Variants in ST18 observed in about 807,000 individuals in gnomAD.
ST18 encodes the protein suppression of tumorigenicity 18 protein.
In ST18, 50 loss-of-function variants were observed where a neutral mutation model predicts 110.0. That is an observed-to-expected ratio of 0.45 (90% CI 0.36 to 0.58). The LOEUF is 0.58. Among genes scored for constraint, ST18 ranks in the 20% least tolerant of loss-of-function variants. The probability of loss-of-function intolerance (pLI) is 0.00; values close to 1 mark genes in which losing one functional copy is unlikely to be tolerated. For missense variants in ST18, 1,306 were observed against 1,280.1 expected (o/e 1.02, Z -0.31); for synonymous variants, 461 against 452.4 (o/e 1.02, Z -0.24).
chr8:52,268,508 TATTTATC>T (rs1228104158), intron 2 of ST18, among the ~76,000 whole-genome samples: 3 of 146,120 alleles, frequency 2.1e-5, no homozygotes, highest in East Asian at 1.9e-4. Flanking sequence ...TCTATCTATC[TATTTATC>T]TATCTATCTT....
At chr8:52,118,224 G>C in intron 24 of ST18, 114 bp downstream of exon 24, 1 of 640,810 alleles carries the variant, frequency 1.6e-6, no homozygotes, top group Non-Finnish European at 2.6e-6. Context: ...GAAACACTCA[G>C]CATATTGACT....
rs189418674 is a variant in ST18 at position 52,184,389 on chromosome 8, C to A, written c.87-4077G>T. Reference sequence around the variant, plus strand: ...TTTCAAGTTTTGACTGTATTAAAATCTATTTAAAAGATCTGTATTTTTTAC... The same window carrying A: ...TTTCAAGTTTTGACTGTATTAAAATATATTTAAAAGATCTGTATTTTTTAC... On this transcript the variant is annotated intron_variant, in intron 8 of 25. Transcript: ENST00000689386. Among the ~76,000 whole-genome samples, 199 of 152,182 alleles carry A rather than the reference C, an allele frequency of 1.3e-3. 3 individuals are homozygous for A. In the South Asian group the frequency reaches 0.022, roughly 17 times the overall value.
chr8:52,371,828 T>C (rs1298936803), intron 2 of ST18, among the ~76,000 whole-genome samples: 1 of 152,174 alleles, frequency 6.6e-6, no homozygotes, highest in African/African-American at 2.4e-5. Flanking sequence ...GTGGGGATGC[T>C]GGAGTAAGCA....
At chr8:52,119,747 G>GA (rs575960019) in intron 23 of ST18, among the ~76,000 whole-genome samples, 1 of 152,042 alleles carries the variant, frequency 6.6e-6, no homozygotes, top group African/African-American at 2.4e-5. Context: ...AGTGCGAAGA[G>GA]AAAAAAAGTA....
chr8:52,144,530 T>A (rs995704791), intron 16 of ST18, among the ~76,000 whole-genome samples: 3 of 152,104 alleles, frequency 2.0e-5, no homozygotes, highest in Non-Finnish European at 4.4e-5. Context: ...TTCAATCAAT[T>A]ATTTCACACA....
chr8:52,159,136 T>C, intron 14 of ST18, 27 bp from the exon 15 acceptor site: 1 of 1,602,206 alleles, frequency 6.2e-7, no homozygotes, highest in Non-Finnish European at 8.5e-7. Context: ...TGATTAGCAA[T>C]TGCATGTACA....
At chr8:52,133,382 T>C in intron 19 of ST18, 81 bp from the exon 20 acceptor site, 1 of 1,506,136 alleles carries the variant, frequency 6.6e-7, no homozygotes, top group Non-Finnish European at 9.2e-7. Context: ...TTTAGGTTCT[T>C]CAGTAATCAC....
At chr8:52,157,221 C>T (rs1323761311) in intron 15 of ST18, among the ~76,000 whole-genome samples, 1 of 152,088 alleles carries the variant, frequency 6.6e-6, no homozygotes, top group African/African-American at 2.4e-5. Context: ...TTTTAGTCAT[C>T]TTTGTTTGAT....
At chr8:52,379,178 A>T (rs1590442491) in intron 2 of ST18, among the ~76,000 whole-genome samples, 4 of 151,276 alleles carry the variant, frequency 2.6e-5, no homozygotes, top group Admixed American at 2.0e-4. Flanking sequence ...AGCCACTGCA[A>T]CCTCTGCCTC....
chr8:52,135,587 A>G lies in ST18; in HGVS notation c.2300+1003T>C, dbSNP rs904026415. On this transcript the variant is annotated intron_variant, in intron 19 of 25. Transcript: ENST00000689386. ...CCATCTCAAAAAAAAAAAAAAAAAA[A>G]AAAAGAAAGAAAGAAAAAAGGAAAA... Among the ~76,000 whole-genome samples, 70 of 150,936 alleles carry G rather than the reference A, an allele frequency of 4.6e-4. 3 individuals are homozygous for G. The highest frequency in any genetic ancestry group is 1.4e-3 in the African/African-American group (57 of 41,286).
chr8:52,351,766 G>A (rs566454247), intron 2 of ST18, among the ~76,000 whole-genome samples: 2 of 152,250 alleles, frequency 1.3e-5, no homozygotes, highest in African/African-American at 2.4e-5. Flanking sequence ...AAACTCCATC[G>A]ATCTAGCTTT....
intron 23 of ST18, 52 bp from the exon 24 acceptor site, chr8:52,118,493 G>A (rs748090949): frequency 9.8e-7 from 1 of 1,022,668 alleles, no homozygotes; most frequent in Non-Finnish European, 1.4e-6. Context: ...TAACAAATGA[G>A]TCATTATATG....
At chr8:52,280,850 T>C (rs756557332) in intron 2 of ST18, among the ~76,000 whole-genome samples, 7 of 152,088 alleles carry the variant, frequency 4.6e-5, no homozygotes, top group Non-Finnish European at 7.4e-5. Flanking sequence ...AGGCTGCAGA[T>C]GATTTAAATA....
intron 2 of ST18, among the ~76,000 whole-genome samples, chr8:52,386,638 T>C (rs1439807260): frequency 6.6e-6 from 1 of 152,180 alleles, no homozygotes; most frequent in East Asian, 1.9e-4. Flanking sequence ...GAATAGATAT[T>C]TTTGTTCATT....
At position 52,207,381 on chromosome 8, in the gene ST18, A is replaced by T. The variant is rs1171898711; in HGVS notation, c.86+4698T>A. Among the ~76,000 whole-genome samples, 3 of 152,200 alleles carry T rather than the reference A, an allele frequency of 2.0e-5. No individual in the cohort carries two copies. The East Asian group carries it at 5.8e-4, about 29-fold the overall frequency. On this transcript the variant is annotated intron_variant, in intron 8 of 25. Transcript: ENST00000689386. ...GTGGCGCGTGCCTGTAGTTCCAGCT[A>T]TTCCAAAGGCTGAGGTCGGAGGATT... is the stretch of plus-strand genomic sequence containing the variant.
chr8:52,377,571 A>C (rs888748113), intron 2 of ST18, among the ~76,000 whole-genome samples: 1 of 152,244 alleles, frequency 6.6e-6, no homozygotes, highest in Non-Finnish European at 1.5e-5. Context: ...CACCCAGTTA[A>C]AATGGCTTTT....
At chr8:52,395,058 A>G (rs1187810974) in intron 2 of ST18, among the ~76,000 whole-genome samples, 1 of 152,204 alleles carries the variant, frequency 6.6e-6, no homozygotes, top group African/African-American at 2.4e-5. Flanking sequence ...GAGGTCTCTC[A>G]TTGGAAAAAT....
chr8:52,208,984 T>A (rs895523135), intron 8 of ST18, among the ~76,000 whole-genome samples: 2 of 152,230 alleles, frequency 1.3e-5, no homozygotes, highest in Non-Finnish European at 2.9e-5. Flanking sequence ...GAATTAATGA[T>A]GTTTATAAAT....
At chr8:52,299,819 T>A (rs548189313) in intron 2 of ST18, among the ~76,000 whole-genome samples, 1 of 152,330 alleles carries the variant, frequency 6.6e-6, no homozygotes, top group South Asian at 2.1e-4. Flanking sequence ...CAAACACTCA[T>A]GGAAGTTTAC....
Sources: gnomAD v4.1 joint callset for allele counts (sites outside exome capture counted in the v4.1 genomes callset) on GRCh38, gnomAD v4.1.1 for gene constraint, MANE v1.5 for transcripts, NCBI Gene and HGNC (gene_info 2026-07-23, HGNC 2026-07-21) for gene names.